Variants in SYT2 observed in about 807,000 individuals in gnomAD.
The protein encoded by SYT2 is synaptotagmin 2, also known as synaptotagmin-2.
Under a neutral mutation model 39.9 loss-of-function variants are expected in SYT2, and 15 were observed. The ratio of observed to expected loss-of-function variants is 0.38; its 90% CI spans 0.25 to 0.58. The LOEUF (loss-of-function observed/expected upper bound fraction) is 0.58, where lower values mean the gene tolerates loss of function less well. Among genes scored for constraint, SYT2 ranks in the 20% least tolerant of loss-of-function variants. The pLI is 0.70. For synonymous variants in SYT2, 181 were observed against 204.5 expected, an observed-to-expected ratio of 0.89 and a Z score of 0.98; for missense variants, 389 against 530.3, an observed-to-expected ratio of 0.73 and a Z score of 2.62.
rs1254084717 is a variant in SYT2 at position 202,591,209 on chromosome 1, C to T, written c.*5548G>A. On this transcript the variant is annotated 3_prime_UTR_variant, in exon 9 of 9. Transcript: ENST00000367268. ...AGGTCCCTGGGACTTCTGTGTGCAACTTCTGTTGTGGTTTGTGCAGGGCAA... is the reference window on the plus strand; with the variant it reads ...AGGTCCCTGGGACTTCTGTGTGCAATTTCTGTTGTGGTTTGTGCAGGGCAA... 6.6e-6 allele frequency: 1 copy of T among 152,406 alleles called. No individual in the cohort carries two copies. The highest frequency in any genetic ancestry group is 2.1e-4 in the South Asian group (1 of 4,832). 9.4% of individuals were successfully genotyped at this position (152,406 alleles called of 1,614,324 possible). A position where few individuals can be genotyped will look rare whatever the true frequency, so the allele number is the denominator to read the frequency against.
intron 1 of SYT2, among the ~76,000 whole-genome samples, chr1:202,637,301 G>A (rs1326764793): frequency 3.3e-5 from 5 of 152,154 alleles, no homozygotes; most frequent in Admixed American, 6.5e-5. Flanking sequence ...GCAGTGAGCC[G>A]TGATCACACC....
chr1:202,651,502 G>C (rs534195639), intron 1 of SYT2, among the ~76,000 whole-genome samples: 3 of 152,228 alleles, frequency 2.0e-5, no homozygotes, highest in African/African-American at 7.2e-5. Flanking sequence ...GGAATTCATT[G>C]ACTCATAAAT....
chr1:202,650,159 A>G (rs1225434663), intron 1 of SYT2, among the ~76,000 whole-genome samples: 1 of 152,228 alleles, frequency 6.6e-6, no homozygotes, highest in Admixed American at 6.5e-5. Flanking sequence ...AGAATCCAAG[A>G]AGCCCAAATA....
intron 1 of SYT2, among the ~76,000 whole-genome samples, chr1:202,612,616 C>T (rs1690915678): frequency 6.6e-6 from 1 of 152,216 alleles, no homozygotes; most frequent in Admixed American, 6.5e-5. Flanking sequence ...ATCCACCTGC[C>T]TTGGCTTCCC....
At chr1:202,639,236 A>T (rs1247314980) in intron 1 of SYT2, among the ~76,000 whole-genome samples, 1 of 152,200 alleles carries the variant, frequency 6.6e-6, no homozygotes, top group African/African-American at 2.4e-5. Context: ...GTTGGACCCC[A>T]TGATCTCAGT....
chr1:202,648,353 G>A (rs1267691863), intron 1 of SYT2, among the ~76,000 whole-genome samples: 1 of 152,022 alleles, frequency 6.6e-6, no homozygotes, highest in Middle Eastern at 3.2e-3. Context: ...GCTAATTTTT[G>A]TATTTTTTAC....
chr1:202,600,995 C>T (rs1019184656), intron 6 of SYT2, among the ~76,000 whole-genome samples: 2 of 152,246 alleles, frequency 1.3e-5, no homozygotes, highest in Admixed American at 1.3e-4. Flanking sequence ...TTGTGGTTTT[C>T]GGAGCAATTT....
chr1:202,619,851 A>T (rs1050161008), intron 1 of SYT2, among the ~76,000 whole-genome samples: 2 of 152,228 alleles, frequency 1.3e-5, no homozygotes, highest in African/African-American at 4.8e-5. Flanking sequence ...GCTCTGTTTG[A>T]TGAGCGCACA....
rs576301976 is a variant in SYT2, at chr1:202,616,578, C to T, written c.-17-10789G>A. 6.6e-5 allele frequency among the ~76,000 whole-genome samples: 10 copies of T among 152,350 alleles called. No individual in the cohort carries two copies. In the South Asian group the frequency reaches 2.1e-3, roughly 32 times the overall value. ...ACGTCCACCTCACTCGTCAGCCCCT[C>T]CATTGTGGCTTCTGCCCCATCCCTC... On this transcript the variant is annotated intron_variant, in intron 1 of 8. Transcript: ENST00000367268.
chr1:202,605,860 A>G, intron 1 of SYT2, 71 bp from the exon 2 acceptor site: 1 of 1,128,186 alleles, frequency 8.9e-7, no homozygotes, highest in Non-Finnish European at 1.3e-6. Context: ...GCCCTGCCCA[A>G]AGGACCAGGA....
chr1:202,607,039 A>G (rs921609387), intron 1 of SYT2, among the ~76,000 whole-genome samples: 3 of 152,134 alleles, frequency 2.0e-5, no homozygotes, highest in African/African-American at 7.2e-5. Flanking sequence ...GCAGTTTTCA[A>G]CTTTTTCCTA....
rs1038169488 is a variant in SYT2, at chr1:202,628,348, C to A, written c.-17-22559G>T. Among the ~76,000 whole-genome samples the A allele has an allele frequency of 2.0e-5, 3 of 152,080 alleles. No individual in the cohort carries two copies. Among genetic ancestry groups the A allele is most frequent in the African/African-American group, 4.8e-5 (2 of 41,420 alleles). Reference sequence around the variant, plus strand: ...GAGAGGTCATGAGATGTCTGGGGAGCCCAGCCTGCTCTCAGTGGGAGCTGG... The same window carrying A: ...GAGAGGTCATGAGATGTCTGGGGAGACCAGCCTGCTCTCAGTGGGAGCTGG... On this transcript the variant is annotated intron_variant, in intron 1 of 8. Transcript: ENST00000367268. This position sits in a 1 kb window ranked among gnomAD's most constrained non-coding sequence, Gnocchi z 4.2.
chr1:202,701,628 T>C (rs1265080256), intron 1 of SYT2, among the ~76,000 whole-genome samples: 1 of 152,230 alleles, frequency 6.6e-6, no homozygotes, highest in Non-Finnish European at 1.5e-5. Flanking sequence ...TGTGATACTA[T>C]TACCTTGATT....
chr1:202,691,387 C>A (rs1459487692), intron 1 of SYT2, among the ~76,000 whole-genome samples: 1 of 152,102 alleles, frequency 6.6e-6, no homozygotes, highest in African/African-American at 2.4e-5. Flanking sequence ...GTAGCTCACA[C>A]CTGTAATCCC....
chr1:202,603,243 G>C (rs1690580679), intron 3 of SYT2, 125 bp from the exon 4 acceptor site: 44 of 1,333,310 alleles, frequency 3.3e-5, no homozygotes, highest in Non-Finnish European at 4.1e-5. Flanking sequence ...TGTGTGGTGG[G>C]AACACAAGAG....
chr1:202,616,115 C>T (rs887847746), intron 1 of SYT2, among the ~76,000 whole-genome samples: 10 of 152,190 alleles, frequency 6.6e-5, no homozygotes, highest in Non-Finnish European at 1.0e-4. Flanking sequence ...CCACCAGCTT[C>T]GCCTCCTCCT....
At chr1:202,608,670 T>C (rs1259451044) in intron 1 of SYT2, among the ~76,000 whole-genome samples, 1 of 152,236 alleles carries the variant, frequency 6.6e-6, no homozygotes, top group East Asian at 1.9e-4. Flanking sequence ...GCTAATAATA[T>C]CCCACTTGTG....
intron 1 of SYT2, among the ~76,000 whole-genome samples, chr1:202,697,745 T>C (rs1045997133): frequency 1.8e-4 from 27 of 152,232 alleles, no homozygotes; most frequent in Non-Finnish European, 3.5e-4. Context: ...TTGATTGTAA[T>C]AATCACCATA....
rs1463028646 is a variant in SYT2 at position 202,593,421 on chromosome 1, C to T, written c.*3336G>A. The T allele has an allele frequency of 2.6e-5, 4 of 152,172 alleles. No homozygotes were observed. Among genetic ancestry groups the T allele is most frequent in the African/African-American group, 7.2e-5 (3 of 41,430 alleles). The allele number at this position is 152,172 out of a possible 1,614,324, so 9.4% of individuals were successfully genotyped here. Reference sequence around the variant, plus strand: ...CTGTAGTGACCTCTCTTCTCCCTCTCGCTGAAGCCTTGGGCCAGCAAAATC... The same window carrying T: ...CTGTAGTGACCTCTCTTCTCCCTCTTGCTGAAGCCTTGGGCCAGCAAAATC... On this transcript the variant is annotated 3_prime_UTR_variant, in exon 9 of 9. Coordinates refer to ENST00000367268, the MANE Select transcript of SYT2 (RefSeq NM_177402.5).
Sources: allele counts gnomAD v4.1 joint callset (sites outside exome capture counted in the v4.1 genomes callset), GRCh38; gene constraint gnomAD v4.1.1; non-coding constraint Gnocchi (gnomAD v3.1); transcripts MANE v1.5; gene names NCBI Gene and HGNC (gene_info 2026-07-23, HGNC 2026-07-21).